The following UNC13C variants were observed in gnomAD, a reference collection of about 807,000 sequenced individuals.
The protein encoded by UNC13C is protein unc-13 homolog C.
UNC13C carries 174 observed loss-of-function variants against 245.4 expected under a neutral mutation model. That is an observed-to-expected ratio of 0.71 (90% CI 0.63 to 0.80). UNC13C has a LOEUF of 0.80. Ranked by LOEUF, UNC13C falls within the 30% of genes least tolerant of loss-of-function variation. UNC13C has a pLI of 0.00. For missense variants in UNC13C, 2,829 were observed against 2,602.9 expected (o/e 1.09, Z -1.89); for synonymous variants, 992 against 895.1 (o/e 1.11, Z -1.93).
intron 13 of UNC13C, among the ~76,000 whole-genome samples, chr15:54,314,287 A>G (rs1472830961): frequency 6.6e-6 from 1 of 151,768 alleles, no homozygotes; most frequent in Non-Finnish European, 1.5e-5. Context: ...AGCAAAGCGA[A>G]TAGATTTTAT....
intron 30 of UNC13C, among the ~76,000 whole-genome samples, chr15:54,599,018 CT>C (rs1899252371): frequency 6.6e-6 from 1 of 152,122 alleles, no homozygotes; most frequent in African/African-American, 2.4e-5. Context: ...TCATATTCTA[CT>C]TTTCCCTACT....
intron 1 of UNC13C, among the ~76,000 whole-genome samples, chr15:53,983,759 C>A (rs551694622): frequency 2.0e-4 from 30 of 151,902 alleles, no homozygotes; most frequent in Middle Eastern, 6.8e-3. Context: ...GCCTCTGTTA[C>A]CTCTTTGACA....
the UNC13C span, among the ~76,000 whole-genome samples, chr15:53,901,398 T>A: frequency 2.7e-5 from 4 of 150,168 alleles, no homozygotes; most frequent in Admixed American, 2.7e-4. Context: ...TTTTTTGTAT[T>A]TTTTTTTTGT....
intron 13 of UNC13C, among the ~76,000 whole-genome samples, chr15:54,319,176 A>T (rs1436625864): frequency 1.3e-5 from 2 of 151,590 alleles, no homozygotes; most frequent in Non-Finnish European, 2.9e-5. Context: ...TGGCATTTCT[A>T]TATCTCTTCT....
rs1370729979 is a variant in UNC13C, at chr15:54,219,794, C to T, written c.3072-15236C>T. On this transcript the variant is annotated intron_variant, in intron 4 of 32. Transcript: ENST00000260323. ...TCAAAAAGTGGGCAAAGGATATGAA[C>T]AGACACTTCTCAAAAGAAGACATTT... is the stretch of plus-strand genomic sequence containing the variant. 1.4e-4 allele frequency among the ~76,000 whole-genome samples: 21 copies of T among 151,216 alleles called. No homozygotes were observed. In the East Asian group the frequency reaches 4.1e-3, roughly 29 times the overall value.
chr15:54,385,994 G>C (rs761121052), intron 17 of UNC13C, among the ~76,000 whole-genome samples: 8 of 152,086 alleles, frequency 5.3e-5, no homozygotes, highest in Non-Finnish European at 1.0e-4. Flanking sequence ...AAGTGCAAAG[G>C]CATTTAACAA....
the UNC13C span, among the ~76,000 whole-genome samples, chr15:53,968,837 T>C: frequency 6.6e-6 from 1 of 152,184 alleles, no homozygotes; most frequent in African/African-American, 2.4e-5. Flanking sequence ...TACACAACAT[T>C]CTGTATTTCT....
chr15:54,418,418 G>A (rs2040565627), intron 19 of UNC13C, among the ~76,000 whole-genome samples: 1 of 152,098 alleles, frequency 6.6e-6, no homozygotes, highest in Non-Finnish European at 1.5e-5. Context: ...ACGTTGAGAA[G>A]CAGGGCAAGA....
intron 4 of UNC13C, among the ~76,000 whole-genome samples, chr15:54,147,220 CTTTTTTT>C (rs5812743): frequency 0.32 from 42,385 of 130,844 alleles, 6,329 homozygotes; most frequent in African/African-American, 0.37. Context: ...ATGAAACTAC[CTTTTTTT>C]TTTTTTTTTT....
intron 1 of UNC13C, among the ~76,000 whole-genome samples, chr15:53,986,472 G>C (rs1894147140): frequency 6.6e-6 from 1 of 151,994 alleles, no homozygotes; most frequent in African/African-American, 2.4e-5. Flanking sequence ...ATTATTTGTT[G>C]ATTGTTGTTT....
intron 4 of UNC13C, among the ~76,000 whole-genome samples, chr15:54,191,513 G>A (rs1327396760): frequency 6.6e-6 from 1 of 152,108 alleles, no homozygotes; most frequent in African/African-American, 2.4e-5. Context: ...ATAAACATAC[G>A]TGTGCATGAG....
intron 28 of UNC13C, among the ~76,000 whole-genome samples, chr15:54,554,664 T>A (rs1897020352): frequency 6.6e-6 from 1 of 152,026 alleles, no homozygotes; most frequent in Non-Finnish European, 1.5e-5. Flanking sequence ...TAAATATTTG[T>A]TGAGTGTTGT....
intron 4 of UNC13C, among the ~76,000 whole-genome samples, chr15:54,173,186 C>T (rs562592059): frequency 2.0e-5 from 3 of 151,918 alleles, no homozygotes; most frequent in Non-Finnish European, 4.4e-5. Flanking sequence ...TATCTTTTTA[C>T]AAGGTTATAT....
chr15:53,939,729 A>G, the UNC13C span, among the ~76,000 whole-genome samples: 2 of 152,352 alleles, frequency 1.3e-5, no homozygotes, highest in East Asian at 3.9e-4. Flanking sequence ...AGAACTAACA[A>G]CAAAAACCAC....
intron 2 of UNC13C, among the ~76,000 whole-genome samples, chr15:54,142,477 C>T (rs967539375): frequency 6.6e-6 from 1 of 152,168 alleles, no homozygotes; most frequent in Non-Finnish European, 1.5e-5. Flanking sequence ...TCAACTTAAT[C>T]TTTTAGCTCG....
chr15:54,064,252 G>C (rs773618889), intron 2 of UNC13C, among the ~76,000 whole-genome samples: 1 of 152,132 alleles, frequency 6.6e-6, no homozygotes, highest in Non-Finnish European at 1.5e-5. Context: ...ATGGCTCCAT[G>C]ATCTTGCCAT....
chr15:54,418,542 C>T (rs763300773), intron 19 of UNC13C, among the ~76,000 whole-genome samples: 2 of 152,064 alleles, frequency 1.3e-5, no homozygotes, highest in Non-Finnish European at 2.9e-5. Context: ...GCACCTGGTG[C>T]ATTTAGGGCT....
intron 19 of UNC13C, among the ~76,000 whole-genome samples, chr15:54,478,587 G>T (rs1416928360): frequency 6.6e-6 from 1 of 151,784 alleles, no homozygotes; most frequent in African/African-American, 2.4e-5. Context: ...TCATTCAGGA[G>T]CAGGTTGTTC....
At chr15:54,401,675 G>C (rs2040187650) in intron 18 of UNC13C, among the ~76,000 whole-genome samples, 1 of 151,952 alleles carries the variant, frequency 6.6e-6, no homozygotes, top group African/African-American at 2.4e-5. Flanking sequence ...AGGAAAAGCA[G>C]ATACAAGAAT....
Sources: gnomAD v4.1 joint callset for allele counts (sites outside exome capture counted in the v4.1 genomes callset) on GRCh38, gnomAD v4.1.1 for gene constraint, MANE v1.5 for transcripts, NCBI Gene and HGNC (gene_info 2026-07-23, HGNC 2026-07-21) for gene names.